Variants in TMEM201 observed in about 807,000 individuals in gnomAD.
TMEM201 encodes the protein RP13-15M17.2.
In TMEM201, 26 loss-of-function variants were observed where a neutral mutation model predicts 63.4. The ratio of observed to expected loss-of-function variants is 0.41; its 90% CI spans 0.30 to 0.57. TMEM201 has a LOEUF of 0.57. TMEM201 is among the 20% of genes least tolerant of loss of function. TMEM201 has a pLI of 0.29. For synonymous variants in TMEM201, 417 were observed against 421.6 expected, an observed-to-expected ratio of 0.99 and a Z score of 0.14; for missense variants, 794 against 917.7, an observed-to-expected ratio of 0.87 and a Z score of 1.74.
Position 9,603,235 on chromosome 1 carries a change from C to T in TMEM201, c.1160+963C>T. The T allele has an allele frequency of 1.0e-6, 1 of 985,366 alleles. No individual in the cohort carries two copies. Among genetic ancestry groups the T allele is most frequent in the Non-Finnish European group, 1.2e-6 (1 of 829,876 alleles). 61.0% of individuals were successfully genotyped at this position (985,366 alleles called of 1,614,324 possible). ...ACAGACCTGCTCCTCAGTAGCAGGG[C>T]CTGGCCAGGCCCCTGCTGTTCTCAG... On this transcript the variant is annotated intron_variant, in intron 6 of 10. Coordinates refer to ENST00000340381, the MANE Select transcript of TMEM201 (RefSeq NM_001130924.3). The surrounding 1 kb of genome is among the most constrained non-coding windows in gnomAD (Gnocchi z 4.5).
At chr1:9,590,412 A>G (rs893224669) in intron 1 of TMEM201, among the ~76,000 whole-genome samples, 4 of 152,184 alleles carry the variant, frequency 2.6e-5, no homozygotes, top group Non-Finnish European at 4.4e-5. Context: ...TGTTGCCTCA[A>G]GGATGAGAGC....
intron 1 of TMEM201, among the ~76,000 whole-genome samples, chr1:9,594,799 G>A (rs1301013370): frequency 1.3e-5 from 2 of 152,262 alleles, no homozygotes; most frequent in African/African-American, 4.8e-5. Context: ...CGGGGGTGCT[G>A]TGGTTGCCCC....
intron 10 of TMEM201, 44 bp downstream of exon 10, chr1:9,611,934 C>T: frequency 6.7e-7 from 1 of 1,496,090 alleles, no homozygotes; most frequent in Non-Finnish European, 8.9e-7. Flanking sequence ...GGGCACACAT[C>T]CGAAGCCACC....
In TMEM201 at chr1:9,599,070, A is replaced by G. The variant is rs372713685; in HGVS notation, c.606+445A>G. Among the ~76,000 whole-genome samples the G allele has an allele frequency of 7.0e-5, 10 of 141,930 alleles. No individual in the cohort carries two copies. In the South Asian group the frequency reaches 2.2e-3, roughly 32 times the overall value. 93.1% of individuals were successfully genotyped at this position (141,930 alleles called of 152,430 possible). A position where few individuals can be genotyped will look rare whatever the true frequency, so the allele number is the denominator to read the frequency against. ...ATTCTCCCGTCTCAGCCTCCCGAGTAGCTGGGATTACAGGCACCCGCCATC... is the reference window on the plus strand; with the variant it reads ...ATTCTCCCGTCTCAGCCTCCCGAGTGGCTGGGATTACAGGCACCCGCCATC... On this transcript the variant is annotated intron_variant, in intron 4 of 10. Transcript: ENST00000340381.
intron 1 of TMEM201, among the ~76,000 whole-genome samples, chr1:9,590,927 G>A (rs924716035): frequency 3.3e-5 from 5 of 152,180 alleles, no homozygotes; most frequent in African/African-American, 4.8e-5. Context: ...AATGACCCTC[G>A]GGAGGGCATG....
At chr1:9,611,971 T>C in intron 10 of TMEM201, 81 bp downstream of exon 10, 1 of 1,426,132 alleles carries the variant, frequency 7.0e-7, no homozygotes, top group Non-Finnish European at 9.2e-7. Context: ...TCCAGAGCAC[T>C]GACAGAAAGA....
At chr1:9,609,808 C>T in intron 7 of TMEM201, 32 bp from the exon 8 acceptor site, 2 of 1,548,596 alleles carry the variant, frequency 1.3e-6, no homozygotes, top group Non-Finnish European at 1.7e-6. Flanking sequence ...ATCCACAGGC[C>T]TGACGTGTCG....
At chr1:9,609,724 A>G (rs1569960325) in intron 7 of TMEM201, 116 bp from the exon 8 acceptor site, 1 of 1,033,860 alleles carries the variant, frequency 9.7e-7, no homozygotes, top group African/African-American at 1.6e-5. Context: ...CTGTGTTTCC[A>G]TGAAAGCACA....
At chr1:9,611,969 A>G (rs2100530362) in intron 10 of TMEM201, 79 bp downstream of exon 10, 1 of 1,430,084 alleles carries the variant, frequency 7.0e-7, no homozygotes. Context: ...GGTCCAGAGC[A>G]CTGACAGAAA....
Position 9,607,705 on chromosome 1 carries a change from C to G in TMEM201, c.1309C>G (p.Pro437Ala). The G allele has an allele frequency of 6.4e-7, 1 of 1,551,906 alleles. No individual in the cohort carries two copies. ...PLANQQLFRS[P>A]RRTSPSSLPG... Reference sequence around the variant, plus strand: ...CGCCAACCAGCAGCTCTTCCGGTCTCCTCGACGGACCTCACCCTCCTCATT... The same window carrying G: ...CGCCAACCAGCAGCTCTTCCGGTCTGCTCGACGGACCTCACCCTCCTCATT... Residue 437 changes from proline to alanine, a missense_variant, in exon 7 of 11, where the codon CCT (proline) becomes GCT (alanine). Coordinates refer to ENST00000340381, the MANE Select transcript of TMEM201 (RefSeq NM_001130924.3). The surrounding 1 kb of genome is among the most constrained non-coding windows in gnomAD (Gnocchi z 5.4).
chr1:9,599,341 G>A (rs1380545343), intron 4 of TMEM201, among the ~76,000 whole-genome samples: 6 of 150,284 alleles, frequency 4.0e-5, no homozygotes, highest in East Asian at 2.0e-4. Context: ...TCTTCCTCCC[G>A]GGTTCAAGCA....
intron 1 of TMEM201, among the ~76,000 whole-genome samples, chr1:9,589,863 G>C (rs1236665865): frequency 6.6e-6 from 1 of 152,272 alleles, no homozygotes; most frequent in African/African-American, 2.4e-5. Context: ...GGATGGGTTT[G>C]CAGCTTCGGC....
At chr1:9,599,201 A>G (rs1275278109) in intron 4 of TMEM201, among the ~76,000 whole-genome samples, 1 of 150,752 alleles carries the variant, frequency 6.6e-6, no homozygotes, top group Non-Finnish European at 1.5e-5. Context: ...TGGCCTCCCA[A>G]AGTGCTGGGA....
At chr1:9,609,398 C>T (rs144974298) in intron 7 of TMEM201, among the ~76,000 whole-genome samples, 270 of 152,260 alleles carry the variant, frequency 1.8e-3, no homozygotes, top group South Asian at 0.015. Flanking sequence ...TCCCTGGGAT[C>T]GAGAGAACAG....
intron 5 of TMEM201, 67 bp downstream of exon 5, chr1:9,601,521 G>C: frequency 6.9e-7 from 1 of 1,447,014 alleles, no homozygotes; most frequent in South Asian, 1.3e-5. Context: ...TGTCTAGGGC[G>C]GGGGCCAAGA....
Position 9,614,041 on chromosome 1 carries a change from A to G in TMEM201, c.*958A>G, listed in dbSNP as rs1644359564. 1 of 152,198 alleles carries G rather than the reference A, an allele frequency of 6.6e-6. No individual in the cohort carries two copies. Among genetic ancestry groups the G allele is most frequent in the Admixed American group, 6.6e-5 (1 of 15,264 alleles). 9.4% of individuals were successfully genotyped at this position (152,198 alleles called of 1,614,324 possible). A position where few individuals can be genotyped will look rare whatever the true frequency, so the allele number is the denominator to read the frequency against. Reference sequence around the variant, plus strand: ...TCCCCTGCTGGGGCTCCTTCCTGGCACTGAGGAGGGGCGCTCCCAATGCTG... The same window carrying G: ...TCCCCTGCTGGGGCTCCTTCCTGGCGCTGAGGAGGGGCGCTCCCAATGCTG... On this transcript the variant is annotated 3_prime_UTR_variant, in exon 11 of 11. Coordinates refer to ENST00000340381, the MANE Select transcript of TMEM201 (RefSeq NM_001130924.3).
intron 6 of TMEM201, chr1:9,602,996 A>G (rs1644176102): frequency 2.0e-6 from 2 of 985,500 alleles, no homozygotes; most frequent in African/African-American, 3.5e-5. Context: ...GAGTTTGGGG[A>G]GCGAGACCCC....
chr1:9,611,940 C>T, intron 10 of TMEM201, 50 bp downstream of exon 10: 3 of 1,489,674 alleles, frequency 2.0e-6, no homozygotes, highest in Non-Finnish European at 2.7e-6. Flanking sequence ...ACATCCGAAG[C>T]CACCATCTCC....
chr1:9,598,180 C>T lies in TMEM201; in HGVS notation c.430-269C>T, dbSNP rs59517660. Among the ~76,000 whole-genome samples the T allele has an allele frequency of 8.4e-3, 1,274 of 152,322 alleles. 13 individuals are homozygous for T. Among genetic ancestry groups the T allele is most frequent in the African/African-American group, 0.029 (1,195 of 41,556 alleles). ...ACCCTGAGCTCCTGGCCTGCGGGTG[C>T]GTCCCTGGAGCAACAGAACCTTGTT... On this transcript the variant is annotated intron_variant, in intron 3 of 10. Coordinates refer to ENST00000340381, the MANE Select transcript of TMEM201 (RefSeq NM_001130924.3).
Sources: gnomAD v4.1 joint callset for allele counts (sites outside exome capture counted in the v4.1 genomes callset) on GRCh38, gnomAD v4.1.1 for gene constraint, Gnocchi (gnomAD v3.1) non-coding constraint, MANE v1.5 for transcripts, NCBI Gene and HGNC (gene_info 2026-07-23, HGNC 2026-07-21) for gene names.